Variants in TPRG1 observed in about 807,000 individuals in gnomAD.
TPRG1 encodes the protein tumor protein p63 regulated 1.
Under a neutral mutation model 29.3 loss-of-function variants are expected in TPRG1, and 29 were observed. That is an observed-to-expected ratio of 0.99 (90% confidence interval 0.74 to 1.35). TPRG1 has a LOEUF of 1.35. Among genes scored for constraint, TPRG1 ranks in the 40% most tolerant of loss-of-function variants. The pLI, the probability that TPRG1 is intolerant of heterozygous loss-of-function variation, is 0.00. For missense variants in TPRG1, 327 were observed against 335.0 expected, an observed-to-expected ratio of 0.98 and a Z score of 0.19; for synonymous variants, 130 against 116.8, an observed-to-expected ratio of 1.11 and a Z score of -0.73.
chr3:189,291,719 A>G (rs1719035025), intron 4 of TPRG1, among the ~76,000 whole-genome samples: 1 of 152,208 alleles, frequency 6.6e-6, no homozygotes, highest in Non-Finnish European at 1.5e-5. Flanking sequence ...TTTTATTTGC[A>G]TAGTGCTTTG....
chr3:189,293,526 G>C (rs1220811133), intron 4 of TPRG1, among the ~76,000 whole-genome samples: 3 of 152,078 alleles, frequency 2.0e-5, no homozygotes, highest in Non-Finnish European at 4.4e-5. Flanking sequence ...GATTCCTGCA[G>C]CTCAGCAGGC....
At chr3:189,161,951 C>G (rs1464501494) in intron 5 of TPRG1, among the ~76,000 whole-genome samples, 2 of 152,018 alleles carry the variant, frequency 1.3e-5, no homozygotes, top group African/African-American at 2.4e-5. Flanking sequence ...AAAACTTTCT[C>G]TATGTGGGGT....
At position 189,320,634 on chromosome 3, in the gene TPRG1, G is replaced by A. The variant is rs771096028; in HGVS notation, c.642G>A (p.Gly214=). 6 of 1,603,904 alleles carry A rather than the reference G, an allele frequency of 3.7e-6. No individual in the cohort carries two copies. The African/African-American group carries it at 6.7e-5, about 18-fold the overall frequency. ...EKFLEICKLS[G]FMSKLVPAIQ... Reference sequence around the variant, plus strand: ...CTTTTTTTCTTCTTCAGTTGTCTGGGTTCATGTCTAAGCTTGTTCCAGCTA... The same window carrying A: ...CTTTTTTTCTTCTTCAGTTGTCTGGATTCATGTCTAAGCTTGTTCCAGCTA... The change falls in exon 6 of 6, where the codon GGG becomes GGA. Residue 214 remains glycine (G), a synonymous_variant. Coordinates refer to ENST00000345063, the MANE Select transcript of TPRG1 (RefSeq NM_198485.4).
At chr3:189,078,095 T>TTCTTTCTTTCTCTCTTTCTCTCTTTCTC (rs1560430761) in intron 4 of TPRG1, among the ~76,000 whole-genome samples, 17 of 30,074 alleles carry the variant, frequency 5.7e-4, no homozygotes, top group African/African-American at 9.7e-4. Context: ...CTTTCTCTCT[T>TTCTTTCTTTCTCTCTTTCTCTCTTTCTC]TCTTTCTTTC....
chr3:189,000,788 G>C (rs1711982218), exon 2 of TPRG1: 1 of 150,166 alleles, frequency 6.7e-6, no homozygotes, highest in African/African-American at 2.5e-5. Flanking sequence ...TCACTCTGTT[G>C]CCTAGGCTGG....
chr3:189,216,145 C>G (rs746945899), intron 3 of TPRG1, among the ~76,000 whole-genome samples: 21 of 152,010 alleles, frequency 1.4e-4, no homozygotes, highest in Non-Finnish European at 2.4e-4. Flanking sequence ...ACTACGGAAG[C>G]CTTAATATTA....
At chr3:189,072,436 T>C (rs1230848997) in intron 4 of TPRG1, among the ~76,000 whole-genome samples, 3 of 152,230 alleles carry the variant, frequency 2.0e-5, no homozygotes, top group Non-Finnish European at 4.4e-5. Context: ...ATTTTGACTA[T>C]TGTTTCTCAA....
intron 4 of TPRG1, among the ~76,000 whole-genome samples, chr3:189,247,076 T>G (rs1741480436): frequency 6.6e-6 from 1 of 152,076 alleles, no homozygotes; most frequent in South Asian, 2.1e-4. Context: ...TTCTATTTGT[T>G]TTCCTGGTAC....
chr3:189,285,587 G>A lies in TPRG1; in HGVS notation c.480-24799G>A, dbSNP rs765615043. On this transcript the variant is annotated intron_variant, in intron 4 of 5. Transcript: ENST00000345063. The stretch of plus-strand genomic sequence containing the variant: ...TTGTGAATGTCTGAAAGAGCAAAGC[G>A]TTTCCTAACATTTTTGATCACAGAG... 2.6e-5 allele frequency among the ~76,000 whole-genome samples: 4 copies of A among 152,302 alleles called. No individual in the cohort carries two copies. In the East Asian group the frequency reaches 7.7e-4, roughly 29 times the overall value.
At chr3:189,299,900 A>G (rs1261955685) in intron 4 of TPRG1, among the ~76,000 whole-genome samples, 2 of 152,190 alleles carry the variant, frequency 1.3e-5, no homozygotes, top group Non-Finnish European at 2.9e-5. Flanking sequence ...TTGGAAATGC[A>G]TGCTAGAATT....
intron 4 of TPRG1, among the ~76,000 whole-genome samples, chr3:189,054,936 C>T (rs1035803623): frequency 2.0e-5 from 3 of 152,162 alleles, no homozygotes; most frequent in African/African-American, 7.2e-5. Context: ...TAGACTTGCT[C>T]AATGCAGAGT....
intron 3 of TPRG1, among the ~76,000 whole-genome samples, chr3:189,224,551 A>T (rs1264650646): frequency 1.3e-5 from 2 of 152,212 alleles, no homozygotes; most frequent in Non-Finnish European, 2.9e-5. Context: ...AGTAACAGAG[A>T]CAGGCTGAGG....
chr3:189,023,182 C>A (rs1020083401), intron 3 of TPRG1, among the ~76,000 whole-genome samples: 2 of 152,330 alleles, frequency 1.3e-5, no homozygotes, highest in Non-Finnish European at 2.9e-5. Flanking sequence ...AGAAATCACC[C>A]GTCTTCTGCG....
chr3:189,245,681 G>A (rs1741273817), intron 4 of TPRG1, among the ~76,000 whole-genome samples: 1 of 152,168 alleles, frequency 6.6e-6, no homozygotes, highest in South Asian at 2.1e-4. Flanking sequence ...TATCAATTGG[G>A]ATATTGTGTT....
chr3:189,318,338 T>G (rs1345123556), intron 5 of TPRG1, among the ~76,000 whole-genome samples: 1 of 152,120 alleles, frequency 6.6e-6, no homozygotes, highest in Non-Finnish European at 1.5e-5. Context: ...ATGAAATATT[T>G]GAGTGGAGGT....
chr3:189,065,785 A>G (rs1311001264), intron 4 of TPRG1, among the ~76,000 whole-genome samples: 1 of 152,096 alleles, frequency 6.6e-6, no homozygotes, highest in Non-Finnish European at 1.5e-5. Flanking sequence ...CTCTTATTCA[A>G]TAGAGTACTG....
intron 4 of TPRG1, among the ~76,000 whole-genome samples, chr3:189,297,815 C>A (rs1307092544): frequency 6.6e-6 from 1 of 152,132 alleles, no homozygotes; most frequent in Non-Finnish European, 1.5e-5. Context: ...TGACCAAGAA[C>A]TGACCATTTG....
At chr3:189,109,115 C>G (rs145660035) in intron 1 of TPRG1, among the ~76,000 whole-genome samples, 2 of 151,942 alleles carry the variant, frequency 1.3e-5, no homozygotes, top group African/African-American at 4.8e-5. Context: ...GAGGAGAGAG[C>G]AGAGTATTCC....
At position 189,288,177 on chromosome 3, in the gene TPRG1, A is replaced by G. The variant is rs572792021; in HGVS notation, c.480-22209A>G. On this transcript the variant is annotated intron_variant, in intron 4 of 5. Coordinates refer to ENST00000345063, the MANE Select transcript of TPRG1 (RefSeq NM_198485.4). The stretch of plus-strand genomic sequence containing the variant: ...TAGCTAAATAATAAAACTAGTTTTC[A>G]AAATGTTTAGATTCAGATCAATAAT... 5.9e-5 allele frequency among the ~76,000 whole-genome samples: 9 copies of G among 152,200 alleles called. No individual in the cohort carries two copies. In the South Asian group the frequency reaches 1.4e-3, roughly 25 times the overall value.
Sources: allele counts gnomAD v4.1 joint callset (sites outside exome capture counted in the v4.1 genomes callset), GRCh38; gene constraint gnomAD v4.1.1; transcripts MANE v1.5; gene names NCBI Gene and HGNC (gene_info 2026-07-23, HGNC 2026-07-21).